Variants in NSD1 observed in about 807,000 individuals in gnomAD.
NSD1 encodes the protein histone-lysine N-methyltransferase, H3 lysine-36 specific.
NSD1 carries 26 observed loss-of-function variants against 242.7 expected under a neutral mutation model. The observed-to-expected ratio is 0.11, with a 90% CI of 0.08 to 0.15. NSD1 has a LOEUF of 0.15. Ranked by LOEUF, NSD1 falls within the 10% of genes least tolerant of loss-of-function variation. The pLI is 1.00. For missense variants in NSD1, 2,495 were observed against 3,272.8 expected, an observed-to-expected ratio of 0.76 and a Z score of 5.80; for synonymous variants, 1,106 against 1,178.1, an observed-to-expected ratio of 0.94 and a Z score of 1.25.
At chr5:177,196,414 G>C (rs756433909) in intron 3 of NSD1, among the ~76,000 whole-genome samples, 1 of 152,158 alleles carries the variant, frequency 6.6e-6, no homozygotes, top group African/African-American at 2.4e-5. Context: ...AGTGATTATG[G>C]TGTGATGAAA....
upstream of NSD1, among the ~76,000 whole-genome samples, chr5:177,132,217 C>A (rs548133395): frequency 6.6e-6 from 1 of 152,080 alleles, no homozygotes; most frequent in East Asian, 1.9e-4. This position sits in a 1 kb window ranked among gnomAD's most constrained non-coding sequence, Gnocchi z 7.5. Flanking sequence ...GGTCCAGATG[C>A]CCGGCCCTCA....
At chr5:177,260,949 AAG>A (rs1413494870) in intron 14 of NSD1, among the ~76,000 whole-genome samples, 6 of 152,214 alleles carry the variant, frequency 3.9e-5, no homozygotes, top group African/African-American at 9.6e-5. Flanking sequence ...TTAATAGAAA[AAG>A]AGTGAACGTG....
chr5:177,147,893 G>A (rs2149772659), intron 2 of NSD1, among the ~76,000 whole-genome samples: 1 of 151,884 alleles, frequency 6.6e-6, no homozygotes, highest in African/African-American at 2.4e-5. Flanking sequence ...CACGGCCCTA[G>A]TTTTTTCCTT....
At chr5:177,229,082 T>TA (rs563599206) in intron 5 of NSD1, among the ~76,000 whole-genome samples, 223 of 148,250 alleles carry the variant, frequency 1.5e-3, no homozygotes, top group South Asian at 2.3e-3. Context: ...TTTTCTGATT[T>TA]AAAAAAAAAA....
intron 9 of NSD1, among the ~76,000 whole-genome samples, chr5:177,244,799 G>A (rs184714723): frequency 5.2e-4 from 79 of 152,312 alleles, no homozygotes; most frequent in African/African-American, 1.8e-3. Context: ...TGTGGCCTAC[G>A]ATTATTAAAT....
At chr5:177,199,384 A>G (rs2149830701) in intron 3 of NSD1, among the ~76,000 whole-genome samples, 1 of 152,182 alleles carries the variant, frequency 6.6e-6, no homozygotes, top group East Asian at 1.9e-4. Flanking sequence ...CAGCCCCCCA[A>G]GTAGCTGGAA....
intron 2 of NSD1, among the ~76,000 whole-genome samples, chr5:177,158,293 C>CTTTCTTTCTTT (rs1758352018): frequency 1.3e-5 from 1 of 77,674 alleles, no homozygotes; most frequent in African/African-American, 4.7e-5. Flanking sequence ...TTCTTTCTTT[C>CTTTCTTTCTTT]TTTCTTTCTT....
intron 19 of NSD1, among the ~76,000 whole-genome samples, chr5:177,283,520 T>C (rs886833779): frequency 4.6e-5 from 7 of 152,184 alleles, no homozygotes; most frequent in African/African-American, 1.7e-4. Flanking sequence ...AGCCTTGTTA[T>C]ATATAACGCA....
chr5:177,166,486 A>G (rs1261165255), intron 2 of NSD1, among the ~76,000 whole-genome samples: 1 of 151,848 alleles, frequency 6.6e-6, no homozygotes, highest in Non-Finnish European at 1.5e-5. Context: ...TGGAGGCTGC[A>G]GTGAGTGAAA....
chr5:177,250,258 C>A (rs1755831257), intron 11 of NSD1, among the ~76,000 whole-genome samples: 1 of 152,180 alleles, frequency 6.6e-6, no homozygotes. Flanking sequence ...AACAGTTATG[C>A]CCATTATTTA....
intron 17 of NSD1, among the ~76,000 whole-genome samples, chr5:177,277,942 AGTG>A (rs1758533136): frequency 6.6e-6 from 1 of 152,230 alleles, no homozygotes; most frequent in African/African-American, 2.4e-5. Context: ...TCGAATCAGA[AGTG>A]AATGTTCAAA....
intron 18 of NSD1, 63 bp from the exon 19 acceptor site, chr5:177,282,402 T>A (rs1758964991): frequency 1.0e-6 from 1 of 998,734 alleles, no homozygotes; most frequent in Non-Finnish European, 1.6e-6. Flanking sequence ...TTTAAAAAAA[T>A]GTATACATTT....
intron 5 of NSD1, among the ~76,000 whole-genome samples, chr5:177,233,073 T>G (rs991271995): frequency 6.6e-6 from 1 of 152,154 alleles, no homozygotes; most frequent in African/African-American, 2.4e-5. Context: ...AAGGCATGAA[T>G]TTCTTTTCTT....
At chr5:177,181,472 C>T (rs1298044440) in intron 2 of NSD1, among the ~76,000 whole-genome samples, 1 of 126,370 alleles carries the variant, frequency 7.9e-6, no homozygotes, top group Admixed American at 9.1e-5. Context: ...GTCACCCAGG[C>T]TGGAGCGCAT....
At chr5:177,196,142 A>G (rs572598566) in intron 3 of NSD1, among the ~76,000 whole-genome samples, 145 of 152,300 alleles carry the variant, frequency 9.5e-4, no homozygotes, top group Non-Finnish European at 1.5e-3. Flanking sequence ...TGGTTCCAGG[A>G]ATCTGCAGCT....
chr5:177,146,401 T>A (rs1036375530), intron 2 of NSD1, among the ~76,000 whole-genome samples: 7 of 151,758 alleles, frequency 4.6e-5, no homozygotes, highest in African/African-American at 1.7e-4. Flanking sequence ...AGACGGTGTT[T>A]CACCGTGTTA....
chr5:177,243,303 G>A (rs985571036), intron 8 of NSD1, among the ~76,000 whole-genome samples: 1 of 152,068 alleles, frequency 6.6e-6, no homozygotes, highest in Non-Finnish European at 1.5e-5. Flanking sequence ...TCCTGCTTCA[G>A]CCTCCCGAGT....
At chr5:177,160,032 G>T (rs1053102436) in intron 2 of NSD1, among the ~76,000 whole-genome samples, 2 of 152,030 alleles carry the variant, frequency 1.3e-5, no homozygotes, top group South Asian at 4.1e-4. Flanking sequence ...TGGGACCACA[G>T]GTGTGCACCA....
chr5:177,161,680 C>CTTTT (rs57657595), intron 2 of NSD1, among the ~76,000 whole-genome samples: 21 of 135,236 alleles, frequency 1.6e-4, no homozygotes, highest in Non-Finnish European at 1.6e-4. Flanking sequence ...TTCTTTCTTT[C>CTTTT]TTTTTTTTTT....
Sources: allele counts gnomAD v4.1 joint callset (sites outside exome capture counted in the v4.1 genomes callset), GRCh38; gene constraint gnomAD v4.1.1; non-coding constraint Gnocchi (gnomAD v3.1); transcripts MANE v1.5; gene names NCBI Gene and HGNC (gene_info 2026-07-23, HGNC 2026-07-21).